Variants in RERE observed in about 807,000 individuals in gnomAD.
The protein encoded by RERE is arginine-glutamic acid dipeptide repeats.
A neutral mutation model predicts 146.1 loss-of-function variants in RERE; 40 were observed. The ratio of observed to expected loss-of-function variants is 0.27; its 90% CI spans 0.21 to 0.36. The LOEUF is 0.36. Ranked by LOEUF, RERE falls within the 10% of genes least tolerant of loss-of-function variation. The pLI, the probability that RERE is intolerant of heterozygous loss-of-function variation, is 1.00. For missense variants in RERE, 1,933 were observed against 2,138.7 expected (o/e 0.90, Z 1.90); for synonymous variants, 1,003 against 866.0 (o/e 1.16, Z -2.78).
intron 13 of RERE, 136 bp downstream of exon 13, chr1:8,365,676 T>C (rs1641777277): frequency 2.2e-6 from 2 of 918,642 alleles, no homozygotes; most frequent in African/African-American, 1.7e-5. Context: ...AGGTCAGGCT[T>C]CACACATGCA....
chr1:8,386,870 T>G (rs746957256), intron 12 of RERE, among the ~76,000 whole-genome samples: 4 of 151,896 alleles, frequency 2.6e-5, no homozygotes, highest in Non-Finnish European at 5.9e-5. Context: ...GGAAAGAGGA[T>G]AAAAATATGA....
At chr1:8,672,106 A>G (rs564816339) in intron 1 of RERE, among the ~76,000 whole-genome samples, 1 of 152,240 alleles carries the variant, frequency 6.6e-6, no homozygotes, top group South Asian at 2.1e-4. Context: ...GCAAGCTCCC[A>G]TATCTCCACA....
chr1:8,750,733 C>T (rs1268198834), intron 1 of RERE: 11 of 789,502 alleles, frequency 1.4e-5, no homozygotes, highest in East Asian at 7.3e-5. Context: ...ATGGTGTGAG[C>T]CCAGAGGTCT....
chr1:8,477,715 T>G (rs1037247302), intron 10 of RERE, among the ~76,000 whole-genome samples: 1 of 152,214 alleles, frequency 6.6e-6, no homozygotes, highest in Non-Finnish European at 1.5e-5. Context: ...CTTTAAATCC[T>G]ACTTAGTAGA....
chr1:8,461,510 C>A (rs1009528090), intron 11 of RERE, among the ~76,000 whole-genome samples: 3 of 152,120 alleles, frequency 2.0e-5, no homozygotes, highest in Non-Finnish European at 4.4e-5. Context: ...CACAGACACT[C>A]GGCAAAAGCA....
At chr1:8,592,273 T>C (rs1646504009) in intron 4 of RERE, among the ~76,000 whole-genome samples, 1 of 152,132 alleles carries the variant, frequency 6.6e-6, no homozygotes, top group Admixed American at 6.5e-5. Context: ...GTACTTTTTT[T>C]TTCTTTTTTA....
chr1:8,537,740 G>A (rs1490403639), intron 7 of RERE, among the ~76,000 whole-genome samples: 1 of 152,052 alleles, frequency 6.6e-6, no homozygotes, highest in African/African-American at 2.4e-5. Flanking sequence ...CTAGAGTACA[G>A]AACAGTCAGT....
At chr1:8,765,980 G>C (rs566957511) in intron 1 of RERE, among the ~76,000 whole-genome samples, 53 of 152,110 alleles carry the variant, frequency 3.5e-4, no homozygotes, top group African/African-American at 1.3e-3. Flanking sequence ...GAGTGTGCTG[G>C]TGCATGCCTG....
intron 10 of RERE, among the ~76,000 whole-genome samples, chr1:8,473,899 T>C (rs1274453899): frequency 6.6e-6 from 1 of 152,212 alleles, no homozygotes; most frequent in Non-Finnish European, 1.5e-5. Context: ...GGCTCTTACC[T>C]AACACTATTC....
intron 7 of RERE, among the ~76,000 whole-genome samples, chr1:8,520,718 C>T (rs1645481922): frequency 7.2e-6 from 1 of 139,034 alleles, no homozygotes; most frequent in Non-Finnish European, 1.5e-5. Context: ...AACAAAGCTG[C>T]CTGCACACAC....
chr1:8,757,090 CAAAAA>C (rs34237128), intron 1 of RERE, among the ~76,000 whole-genome samples: 1 of 59,492 alleles, frequency 1.7e-5, no homozygotes, highest in Non-Finnish European at 3.4e-5. Context: ...AACTCCATCT[CAAAAA>C]AAAAAAAAAA....
intron 12 of RERE, among the ~76,000 whole-genome samples, chr1:8,381,878 A>T (rs1452957211): frequency 1.3e-5 from 2 of 152,234 alleles, no homozygotes; most frequent in Admixed American, 1.3e-4. Flanking sequence ...ACACTGTTCC[A>T]GGGGCTAAGT....
chr1:8,432,245 A>C (rs1644105541), intron 11 of RERE, among the ~76,000 whole-genome samples: 1 of 152,190 alleles, frequency 6.6e-6, no homozygotes, highest in Admixed American at 6.5e-5. Flanking sequence ...TAGTTACTGC[A>C]GTACCCCATC....
intron 1 of RERE, among the ~76,000 whole-genome samples, chr1:8,705,048 G>C (rs1302503252): frequency 6.6e-6 from 1 of 152,160 alleles, no homozygotes; most frequent in East Asian, 1.9e-4. Context: ...TCCTGTACTT[G>C]GACACACTTC....
intron 1 of RERE, among the ~76,000 whole-genome samples, chr1:8,737,414 C>T (rs1245291010): frequency 1.3e-5 from 2 of 152,182 alleles, no homozygotes; most frequent in Non-Finnish European, 2.9e-5. Flanking sequence ...AAGTTTATCA[C>T]ACTTGTTTCC....
chr1:8,721,510 CACCATGT>C (rs1639863571), intron 1 of RERE, among the ~76,000 whole-genome samples: 1 of 152,066 alleles, frequency 6.6e-6, no homozygotes, highest in Non-Finnish European at 1.5e-5. Context: ...GAGAGGGTTT[CACCATGT>C]TGGCCAGGCC....
intron 1 of RERE, among the ~76,000 whole-genome samples, chr1:8,807,947 C>G (rs1641720525): frequency 6.6e-6 from 1 of 152,044 alleles, no homozygotes; most frequent in African/African-American, 2.4e-5. Context: ...TAAAGTAATA[C>G]TTCTAATTTC....
chr1:8,415,020 T>A (rs1388632058), intron 12 of RERE, among the ~76,000 whole-genome samples: 1 of 152,240 alleles, frequency 6.6e-6, no homozygotes, highest in African/African-American at 2.4e-5. Flanking sequence ...AAAAATGAAC[T>A]AGTTATTCAA....
intron 1 of RERE, among the ~76,000 whole-genome samples, chr1:8,804,706 G>A (rs1228830321): frequency 6.6e-6 from 1 of 152,146 alleles, no homozygotes; most frequent in East Asian, 1.9e-4. Context: ...CCTTCCTGCT[G>A]GTGAGAATGC....
Sources: gnomAD v4.1 joint callset for allele counts (sites outside exome capture counted in the v4.1 genomes callset) on GRCh38, gnomAD v4.1.1 for gene constraint, MANE v1.5 for transcripts, NCBI Gene and HGNC (gene_info 2026-07-23, HGNC 2026-07-21) for gene names.